The following CSNK2A2IP variants were observed in gnomAD, a reference collection of about 807,000 sequenced individuals.
The protein encoded by CSNK2A2IP is casein kinase 2 subunit alpha' interacting protein, also known as casein kinase II subunit alpha'-interacting protein.
the CSNK2A2IP span, among the ~76,000 whole-genome samples, chr3:88,361,144 A>G: frequency 3.9e-5 from 6 of 152,186 alleles, no homozygotes; most frequent in Non-Finnish European, 7.4e-5. Context: ...TTGTTTAGAC[A>G]TGGAAATTAC....
chr3:88,409,188 A>G, the CSNK2A2IP span, among the ~76,000 whole-genome samples: 5,380 of 152,136 alleles, frequency 0.035, 157 homozygotes, highest in East Asian at 0.14. Context: ...TTTTATTATC[A>G]CAATGGGTCT....
the CSNK2A2IP span, among the ~76,000 whole-genome samples, chr3:88,407,832 T>A: frequency 6.6e-6 from 1 of 152,032 alleles, no homozygotes; most frequent in Non-Finnish European, 1.5e-5. Context: ...CAAGTAATTC[T>A]CCCATCTCAG....
the CSNK2A2IP span, among the ~76,000 whole-genome samples, chr3:88,371,975 A>G: frequency 2.0e-5 from 3 of 151,828 alleles, no homozygotes; most frequent in African/African-American, 7.2e-5. Context: ...GCTGTCTCTC[A>G]AAATGAGTTT....
the CSNK2A2IP span, among the ~76,000 whole-genome samples, chr3:88,369,853 G>T: frequency 6.6e-6 from 1 of 152,028 alleles, no homozygotes; most frequent in African/African-American, 2.4e-5. Flanking sequence ...GCAACTGGAA[G>T]TTTACTAGGG....
chr3:88,364,159 G>T, the CSNK2A2IP span, among the ~76,000 whole-genome samples: 112 of 151,964 alleles, frequency 7.4e-4, 1 homozygote, highest in Non-Finnish European at 1.3e-3. Context: ...TTCTCTCAGG[G>T]TAGTAAATAA....
the CSNK2A2IP span, among the ~76,000 whole-genome samples, chr3:88,418,627 T>C: frequency 6.6e-6 from 1 of 152,198 alleles, no homozygotes. Flanking sequence ...AAAAAATTTA[T>C]TTTTATTTAT....
chr3:88,422,029 T>A, the CSNK2A2IP span, among the ~76,000 whole-genome samples: 1 of 152,208 alleles, frequency 6.6e-6, no homozygotes, highest in South Asian at 2.1e-4. Flanking sequence ...ATATTGTCCA[T>A]CTTTTGCTAC....
At chr3:88,395,132 C>A in the CSNK2A2IP span, among the ~76,000 whole-genome samples, 2 of 152,190 alleles carry the variant, frequency 1.3e-5, no homozygotes, top group African/African-American at 4.8e-5. Flanking sequence ...GACGTATATA[C>A]ACATACATGT....
At chr3:88,464,045 C>T in the CSNK2A2IP span, among the ~76,000 whole-genome samples, 3 of 151,456 alleles carry the variant, frequency 2.0e-5, no homozygotes, top group Non-Finnish European at 2.9e-5. Flanking sequence ...ACATCATTCT[C>T]AGCAAACTAT....
chr3:88,366,368 C>T, the CSNK2A2IP span, among the ~76,000 whole-genome samples: 1 of 152,098 alleles, frequency 6.6e-6, no homozygotes, highest in Non-Finnish European at 1.5e-5. Context: ...AGTGAGTCAA[C>T]TGAAAACCAG....
At chr3:88,349,746 G>A in the CSNK2A2IP span, among the ~76,000 whole-genome samples, 25 of 151,936 alleles carry the variant, frequency 1.6e-4, no homozygotes, top group African/African-American at 4.1e-4. Context: ...TTTATGTTTC[G>A]ACCAGAAGTG....
chr3:88,348,952 A>G, the CSNK2A2IP span, among the ~76,000 whole-genome samples: 1 of 151,324 alleles, frequency 6.6e-6, no homozygotes, highest in African/African-American at 2.4e-5. Flanking sequence ...TATTATTTTT[A>G]TTCCCGAATT....
the CSNK2A2IP span, among the ~76,000 whole-genome samples, chr3:88,353,113 T>C: frequency 2.6e-5 from 4 of 152,214 alleles, no homozygotes; most frequent in African/African-American, 9.6e-5. Context: ...CGTATCATAC[T>C]TCTTTTTTTA....
the CSNK2A2IP span, among the ~76,000 whole-genome samples, chr3:88,389,429 C>A: frequency 6.6e-6 from 1 of 152,198 alleles, no homozygotes; most frequent in African/African-American, 2.4e-5. Flanking sequence ...AGAAGTGAGG[C>A]AGGATGAGAG....
chr3:88,462,927 T>C, the CSNK2A2IP span, among the ~76,000 whole-genome samples: 1 of 152,276 alleles, frequency 6.6e-6, no homozygotes, highest in South Asian at 2.1e-4. Context: ...CTAATATTGT[T>C]GGTACTTGGA....
the CSNK2A2IP span, among the ~76,000 whole-genome samples, chr3:88,378,346 A>G: frequency 6.6e-6 from 1 of 151,790 alleles, no homozygotes; most frequent in Non-Finnish European, 1.5e-5. Flanking sequence ...TTCTGAATAC[A>G]TCAAAATTCT....
chr3:88,413,661 G>T, the CSNK2A2IP span, among the ~76,000 whole-genome samples: 3 of 151,852 alleles, frequency 2.0e-5, no homozygotes, highest in Non-Finnish European at 4.4e-5. Flanking sequence ...ATAGGCAATA[G>T]GTATTGCAGA....
At chr3:88,449,416 AGTT>A in the CSNK2A2IP span, among the ~76,000 whole-genome samples, 3 of 152,134 alleles carry the variant, frequency 2.0e-5, no homozygotes, top group African/African-American at 7.2e-5. Flanking sequence ...TTACAAGACC[AGTT>A]GTTGTCAACA....
the CSNK2A2IP span, among the ~76,000 whole-genome samples, chr3:88,347,958 G>A: frequency 6.6e-6 from 1 of 151,698 alleles, no homozygotes; most frequent in Admixed American, 6.6e-5. Context: ...CTCTCTATGG[G>A]CTAAGAGAAT....
Sources: gnomAD v4.1 joint callset for allele counts (sites outside exome capture counted in the v4.1 genomes callset) on GRCh38, gnomAD v4.1.1 for gene constraint, MANE v1.5 for transcripts, NCBI Gene and HGNC (gene_info 2026-07-23, HGNC 2026-07-21) for gene names.